The following PSMA5 variants were observed in gnomAD, a reference collection of about 807,000 sequenced individuals.
The protein encoded by PSMA5 is proteasome subunit alpha type-5.
In PSMA5, 3 loss-of-function variants were observed where a neutral mutation model predicts 34.5. The observed-to-expected ratio is 0.09, with a 90% CI of 0.04 to 0.22. The LOEUF (loss-of-function observed/expected upper bound fraction) is 0.22, where lower values mean the gene tolerates loss of function less well. Ranked by LOEUF, PSMA5 falls within the 10% of genes least tolerant of loss-of-function variation. The pLI is 1.00. For synonymous variants in PSMA5, 88 were observed against 95.8 expected, an observed-to-expected ratio of 0.92 and a Z score of 0.47; for missense variants, 120 against 286.1, an observed-to-expected ratio of 0.42 and a Z score of 4.19.
At chr1:109,415,061 T>C (rs1030956411) in intron 3 of PSMA5, among the ~76,000 whole-genome samples, 176 bp downstream of exon 3, 2 of 152,222 alleles carry the variant, frequency 1.3e-5, no homozygotes, top group South Asian at 2.1e-4. Context: ...AGGTTAAACA[T>C]AAATGAGTCC....
chr1:109,421,252 G>C (rs1470340906), intron 2 of PSMA5, among the ~76,000 whole-genome samples: 3 of 151,856 alleles, frequency 2.0e-5, no homozygotes, highest in African/African-American at 4.8e-5. Flanking sequence ...AGAACACAAA[G>C]GTGGGCTGTG....
rs576763792 is a variant in PSMA5, at chr1:109,422,286, G to C, written c.30-360C>G. Reference sequence around the variant, plus strand: ...TATCAGCCAATTTCCAAGAAAATGTGCATTTTTCCTTATCCTCTTCCCATA... The same window carrying C: ...TATCAGCCAATTTCCAAGAAAATGTCCATTTTTCCTTATCCTCTTCCCATA... On this transcript the variant is annotated intron_variant, in intron 1 of 8. Transcript: ENST00000271308. Among the ~76,000 whole-genome samples the C allele has an allele frequency of 2.6e-5, 4 of 152,180 alleles. No individual in the cohort carries two copies. In the South Asian group the frequency reaches 8.3e-4, roughly 32 times the overall value.
intron 8 of PSMA5, among the ~76,000 whole-genome samples, chr1:109,407,127 A>G (rs1427997160): frequency 6.6e-6 from 1 of 152,092 alleles, no homozygotes; most frequent in African/African-American, 2.4e-5. Context: ...CTGGGACTAT[A>G]GGCGCCCGCC....
At chr1:109,421,103 C>T (rs1654422866) in intron 2 of PSMA5, among the ~76,000 whole-genome samples, 1 of 151,738 alleles carries the variant, frequency 6.6e-6, no homozygotes, top group South Asian at 2.1e-4. Flanking sequence ...GGGAGGAAAG[C>T]TTGAGCCCAG....
Position 109,400,554 on chromosome 1 carries a change from ACTTAAT to A in PSMA5, c.*1453_*1458del, listed in dbSNP as rs1254009637. 6.6e-6 allele frequency: 1 copy of A among 152,242 alleles called. No individual in the cohort carries two copies. The highest frequency in any genetic ancestry group is 1.5e-5 in the Non-Finnish European group (1 of 68,042). 9.4% of individuals were successfully genotyped at this position (152,242 alleles called of 1,614,324 possible). ...ACAAATCTCCCCATCAACATGCTAT[ACTTAAT>A]AAGTGTTAAAATCACTAGAAGTCTC... On this transcript the variant is annotated 3_prime_UTR_variant, in exon 9 of 9. Coordinates refer to ENST00000271308, the MANE Select transcript of PSMA5 (RefSeq NM_002790.4).
chr1:109,415,474 T>C (rs535920838), intron 2 of PSMA5, 111 bp from the exon 3 acceptor site: 12 of 1,164,794 alleles, frequency 1.0e-5, no homozygotes, highest in Admixed American at 2.7e-5. Context: ...ACTGGCCACA[T>C]CTTATAGGCA....
rs1654017557 is a variant in PSMA5 at position 109,412,192 on chromosome 1, A to G, written c.292-8T>C. Reference sequence around the variant, plus strand: ...GTAGGTGAACCAGTGGTTCTAGAAGAAGAGCAAAGCATGGTACAACCTTCT... The same window carrying G: ...GTAGGTGAACCAGTGGTTCTAGAAGGAGAGCAAAGCATGGTACAACCTTCT... On this transcript the variant is annotated splice_region_variant and splice_polypyrimidine_tract_variant and intron_variant, in intron 4 of 8. Coordinates refer to ENST00000271308, the MANE Select transcript of PSMA5 (RefSeq NM_002790.4). 6.2e-7 allele frequency: 1 copy of G among 1,605,830 alleles called. No individual in the cohort carries two copies. The highest frequency in any genetic ancestry group is 8.5e-7 in the Non-Finnish European group (1 of 1,172,404).
intron 8 of PSMA5, among the ~76,000 whole-genome samples, chr1:109,403,754 A>C (rs542771794): frequency 2.6e-5 from 4 of 152,366 alleles, no homozygotes; most frequent in Non-Finnish European, 4.4e-5. Context: ...TAATCCAGTT[A>C]TATGATGTTT....
At chr1:109,425,914 A>C (rs1446762184) in intron 1 of PSMA5, 3 of 255,720 alleles carry the variant, frequency 1.2e-5, no homozygotes, top group Non-Finnish European at 2.3e-5. Context: ...TTTTTCTTCC[A>C]GGAAGCACGT....
At chr1:109,410,139 G>T in intron 7 of PSMA5, 125 bp from the exon 8 acceptor site, 1 of 648,668 alleles carries the variant, frequency 1.5e-6, no homozygotes. Flanking sequence ...TACTTAGTAT[G>T]GTGCATTACA....
chr1:109,416,578 C>T (rs1258520137), intron 2 of PSMA5, among the ~76,000 whole-genome samples: 1 of 152,226 alleles, frequency 6.6e-6, no homozygotes, highest in Non-Finnish European at 1.5e-5. Context: ...CAAGTGTGAG[C>T]ACTGCAAAGA....
rs747854345 is a variant in PSMA5, at chr1:109,400,175, G to T, written c.*1838C>A. The T allele has an allele frequency of 6.6e-6, 1 of 152,134 alleles. No individual in the cohort carries two copies. The highest frequency in any genetic ancestry group is 1.5e-5 in the Non-Finnish European group (1 of 68,040). The allele number at this position is 152,134 out of a possible 1,614,324, so 9.4% of individuals were successfully genotyped here. ...GAGGGAAAACAACTTAAGCTGAGGC[G>T]AACGGACATAGGCTAAGAGCTACTC... On this transcript the variant is annotated 3_prime_UTR_variant, in exon 9 of 9. Transcript: ENST00000271308.
intron 8 of PSMA5, among the ~76,000 whole-genome samples, chr1:109,407,930 C>G (rs952771672): frequency 9.9e-5 from 15 of 152,162 alleles, no homozygotes; most frequent in African/African-American, 3.6e-4. Context: ...CTGGCCTCAA[C>G]TACGATTTTA....
chr1:109,399,846 T>C lies in PSMA5; in HGVS notation c.*2167A>G, dbSNP rs1653431274. On this transcript the variant is annotated 3_prime_UTR_variant, in exon 9 of 9. Transcript: ENST00000271308. ...TAAATATAAAAGTGGCACTGTCAGT[T>C]CTCCTTTGTGAGATACTGGACATAA... is the stretch of plus-strand genomic sequence containing the variant. 1 of 152,206 alleles carries C rather than the reference T, an allele frequency of 6.6e-6. No individual in the cohort carries two copies. The highest frequency in any genetic ancestry group is 1.5e-5 in the Non-Finnish European group (1 of 68,032). 9.4% of individuals were successfully genotyped at this position (152,206 alleles called of 1,614,324 possible).
At chr1:109,424,690 C>T (rs1280007506) in intron 1 of PSMA5, among the ~76,000 whole-genome samples, 9 of 150,214 alleles carry the variant, frequency 6.0e-5, no homozygotes, top group Middle Eastern at 3.6e-3. Flanking sequence ...CAGAGAATTG[C>T]TTAAACCCAG....
chr1:109,414,070 G>A (rs966546576), intron 3 of PSMA5, among the ~76,000 whole-genome samples: 1 of 152,170 alleles, frequency 6.6e-6, no homozygotes, highest in African/African-American at 2.4e-5. Flanking sequence ...CCTTCAGTGT[G>A]GTAAAAAAGG....
chr1:109,401,914 T>C lies in PSMA5; in HGVS notation c.*99A>G, dbSNP rs930728291. ...ACAGACATCATTTAAAAAATGCACA[T>C]ACAATGGAGATTTTCCAAGGAACAG... On this transcript the variant is annotated 3_prime_UTR_variant, in exon 9 of 9. Coordinates refer to ENST00000271308, the MANE Select transcript of PSMA5 (RefSeq NM_002790.4). 7.6e-5 allele frequency: 70 copies of C among 915,132 alleles called. No homozygotes were observed. Among genetic ancestry groups the C allele is most frequent in the Admixed American group, 2.4e-4 (10 of 41,360 alleles). 56.7% of individuals were successfully genotyped at this position (915,132 alleles called of 1,614,324 possible).
At position 109,399,588 on chromosome 1, in the gene PSMA5, A is replaced by G. The variant is rs1653414985; in HGVS notation, c.*2425T>C. 1 of 152,172 alleles carries G rather than the reference A, an allele frequency of 6.6e-6. No individual in the cohort carries two copies. Among genetic ancestry groups the G allele is most frequent in the Admixed American group, 6.5e-5 (1 of 15,278 alleles). 9.4% of individuals were successfully genotyped at this position (152,172 alleles called of 1,614,324 possible). ...GAGAAATTACCAAATACACTTTTAA[A>G]CGCTATTAAATTTGTTCCAATTATC... On this transcript the variant is annotated 3_prime_UTR_variant, in exon 9 of 9. Coordinates refer to ENST00000271308, the MANE Select transcript of PSMA5 (RefSeq NM_002790.4).
chr1:109,415,540 A>G (rs1301914743), intron 2 of PSMA5, among the ~76,000 whole-genome samples, 177 bp from the exon 3 acceptor site: 4 of 152,222 alleles, frequency 2.6e-5, no homozygotes, highest in Admixed American at 2.6e-4. Flanking sequence ...TCCTGTCAAT[A>G]GCAAGAACAT....
Sources: gnomAD v4.1 joint callset for allele counts (sites outside exome capture counted in the v4.1 genomes callset) on GRCh38, gnomAD v4.1.1 for gene constraint, MANE v1.5 for transcripts, NCBI Gene and HGNC (gene_info 2026-07-23, HGNC 2026-07-21) for gene names.